Variants in ABCA6 observed in about 807,000 individuals in gnomAD.
ABCA6 encodes the protein ATP-binding cassette sub-family A member 6.
Under a neutral mutation model 191.2 loss-of-function variants are expected in ABCA6, and 164 were observed. The observed-to-expected ratio is 0.86, with a 90% confidence interval of 0.76 to 0.98. The LOEUF (loss-of-function observed/expected upper bound fraction) is 0.98. ABCA6 is among the 50% of genes least tolerant of loss of function. ABCA6 has a pLI of 0.00. For synonymous variants in ABCA6, 636 were observed against 647.7 expected (o/e 0.98, Z 0.27); for missense variants, 1,958 against 1,894.1 (o/e 1.03, Z -0.63).
chr17:69,079,686 T>C (rs1477173882), intron 37 of ABCA6, among the ~76,000 whole-genome samples: 5 of 152,176 alleles, frequency 3.3e-5, no homozygotes, highest in Non-Finnish European at 5.9e-5. Flanking sequence ...TGCATGACAG[T>C]TGTCACCAGA....
chr17:69,129,320 CA>C (rs2073817206), intron 7 of ABCA6, among the ~76,000 whole-genome samples: 1 of 152,132 alleles, frequency 6.6e-6, no homozygotes, highest in Non-Finnish European at 1.5e-5. Context: ...AAAATAACCT[CA>C]ATAATTATAC....
chr17:69,106,077 G>T lies in ABCA6; in HGVS notation c.2524C>A (p.Arg842=). Reference sequence around the variant, plus strand: ...CGTTTTAACTTTAAGAAACGGAGCCGTGCCATGGCAAAGACTTGCATTCTC... The same window carrying T: ...CGTTTTAACTTTAAGAAACGGAGCCTTGCCATGGCAAAGACTTGCATTCTC... ...LWRMQVFAMA[R]LRFLKLKRQT... Residue 842 remains arginine (R), a synonymous_variant, in exon 19 of 39, where the codon CGG becomes AGG. Coordinates refer to ENST00000284425, the MANE Select transcript of ABCA6 (RefSeq NM_080284.3). The T allele has an allele frequency of 1.9e-6, 3 of 1,613,350 alleles. No individual in the cohort carries two copies. The highest frequency in any genetic ancestry group is 1.7e-6 in the Non-Finnish European group (2 of 1,179,654).
In ABCA6 at chr17:69,101,027, C is replaced by A. The variant is rs987405986; in HGVS notation, c.2875-93G>T. Reference sequence around the variant, plus strand: ...TAAAAGATCCTAACAGTGCCACATGCTTGTTGTGTGTCCATCTTCAAGTGA... The same window carrying A: ...TAAAAGATCCTAACAGTGCCACATGATTGTTGTGTGTCCATCTTCAAGTGA... On this transcript the variant is annotated intron_variant, in intron 21 of 38. Coordinates refer to ENST00000284425, the MANE Select transcript of ABCA6 (RefSeq NM_080284.3). The A allele has an allele frequency of 1.5e-5, 16 of 1,067,530 alleles. No individual in the cohort carries two copies. The Admixed American group carries it at 3.9e-4, about 26-fold the overall frequency. 66.1% of individuals were successfully genotyped at this position (1,067,530 alleles called of 1,614,324 possible). A position where few individuals can be genotyped will look rare whatever the true frequency, so the allele number is the denominator to read the frequency against.
intron 25 of ABCA6, among the ~76,000 whole-genome samples, chr17:69,093,180 G>A (rs2144628654): frequency 6.6e-6 from 1 of 152,136 alleles, no homozygotes; most frequent in Middle Eastern, 3.4e-3. Context: ...TTCCTCTATT[G>A]AAGTAGGAAA....
chr17:69,134,614 T>C, intron 5 of ABCA6, 25 bp downstream of exon 5: 1 of 1,542,246 alleles, frequency 6.5e-7, no homozygotes, highest in Non-Finnish European at 8.9e-7. Context: ...CATTAATTAG[T>C]AGAACTTTTC....
At position 69,116,974 on chromosome 17, in the gene ABCA6, G is replaced by A. The variant is rs1001582776; in HGVS notation, c.1495+924C>T. Among the ~76,000 whole-genome samples the A allele has an allele frequency of 2.0e-5, 3 of 152,022 alleles. No homozygotes were observed. The East Asian group carries it at 5.8e-4, about 29-fold the overall frequency. Reference sequence around the variant, plus strand: ...AGTTCATGACTTGATGAGTACAAAGGTAGTTCAAAATGTGCTCCAAAACTT... The same window carrying A: ...AGTTCATGACTTGATGAGTACAAAGATAGTTCAAAATGTGCTCCAAAACTT... On this transcript the variant is annotated intron_variant, in intron 11 of 38. Transcript: ENST00000284425.
chr17:69,127,611 T>C (rs979486354), intron 8 of ABCA6, among the ~76,000 whole-genome samples: 10 of 152,202 alleles, frequency 6.6e-5, no homozygotes, highest in African/African-American at 1.9e-4. Context: ...ATTTGAAAGA[T>C]TGACAATACT....
intron 4 of ABCA6, chr17:69,135,784 G>A: frequency 2.3e-6 from 1 of 442,280 alleles, no homozygotes; most frequent in Non-Finnish European, 4.0e-6. Flanking sequence ...GTCATTAATT[G>A]TTCAATGTCT....
intron 17 of ABCA6, chr17:69,108,479 T>G (rs2073351776): frequency 6.6e-6 from 1 of 152,214 alleles, no homozygotes; most frequent in Admixed American, 6.5e-5. Flanking sequence ...TTGTGTATTT[T>G]GTGTGTCTAC....
At position 69,082,932 on chromosome 17, in the gene ABCA6, T is replaced by G; in HGVS notation, c.4557A>C (p.Gln1519His). 3 of 1,614,232 alleles carry G rather than the reference T, an allele frequency of 1.9e-6. No individual in the cohort carries two copies. The highest frequency in any genetic ancestry group is 2.5e-6 in the Non-Finnish European group (3 of 1,180,022). ...ILELKVKETS[Q>H]VTLVHTEILK... ...GAATCTCAGTGTGGACCAAAGTCAC[T>G]TGAGACGTTTCCTTCACTTTTAGCT... is the stretch of plus-strand genomic sequence containing the variant. Residue 1519 changes from glutamine (Q) to histidine (H), a missense_variant, in exon 36 of 39, where the codon CAA (glutamine) becomes CAC (histidine). Gln to His is a conservative substitution (Grantham distance 24). Transcript: ENST00000284425.
At chr17:69,101,829 G>A (rs2144649029) in intron 21 of ABCA6, among the ~76,000 whole-genome samples, 1 of 152,298 alleles carries the variant, frequency 6.6e-6, no homozygotes, top group South Asian at 2.1e-4. Context: ...TGTGAGGTAT[G>A]TAACGTAGTA....
intron 8 of ABCA6, among the ~76,000 whole-genome samples, chr17:69,126,475 C>T (rs1307015431): frequency 6.6e-6 from 1 of 151,766 alleles, no homozygotes; most frequent in African/African-American, 2.4e-5. Context: ...CATGGTGAGA[C>T]CAACTCTCTA....
chr17:69,084,938 T>C, intron 32 of ABCA6, 90 bp downstream of exon 32: 1 of 1,456,090 alleles, frequency 6.9e-7, no homozygotes, highest in Non-Finnish European at 9.1e-7. Context: ...AGATAGCATA[T>C]TGACTCTCGG....
At chr17:69,110,331 G>A (rs1436906840) in intron 17 of ABCA6, 5 of 155,526 alleles carry the variant, frequency 3.2e-5, no homozygotes, top group African/African-American at 4.8e-5. Flanking sequence ...ACCTACCTGA[G>A]GTCCTTTTTC....
chr17:69,112,080 G>T, intron 16 of ABCA6, 103 bp downstream of exon 16: 1 of 833,608 alleles, frequency 1.2e-6, no homozygotes, highest in Non-Finnish European at 2.0e-6. Context: ...AATCCAGTAT[G>T]GTAGAGATGA....
chr17:69,104,298 A>C (rs2073243471), intron 20 of ABCA6: 1 of 152,160 alleles, frequency 6.6e-6, no homozygotes, highest in African/African-American at 2.4e-5. Context: ...AGAGTGACCA[A>C]AGAGGAAAAG....
chr17:69,091,109 C>A, intron 26 of ABCA6, 34 bp downstream of exon 26: 2 of 1,590,278 alleles, frequency 1.3e-6, no homozygotes, highest in Non-Finnish European at 1.7e-6. Context: ...GCTACATATT[C>A]AAAATTAATG....
In ABCA6 at chr17:69,125,033, A is replaced by G. The variant is rs968600199; in HGVS notation, c.1122T>C (p.Ile374=). The change falls in exon 9 of 39, where the codon ATT becomes ATC. Residue 374 remains isoleucine (I), a splice_region_variant and synonymous_variant. Coordinates refer to ENST00000284425, the MANE Select transcript of ABCA6 (RefSeq NM_080284.3). ...CATTCAAGTTATAATCCAGTTTGAT[A>G]ATCTAAGATTCAAAAAATAAAAATA... ...PFAFTTGMIQ[I]IKLDYNLNGV... is the part of the protein sequence containing the mutation. The G allele has an allele frequency of 1.5e-6, 2 of 1,348,854 alleles. No homozygotes were observed. The highest frequency in any genetic ancestry group is 1.5e-5 in the African/African-American group (1 of 66,596). The allele number at this position is 1,348,854 out of a possible 1,614,324, so 83.6% of individuals were successfully genotyped here. A position where few individuals can be genotyped will look rare whatever the true frequency, so the allele number is the denominator to read the frequency against.
intron 10 of ABCA6, among the ~76,000 whole-genome samples, chr17:69,119,893 G>A (rs911008422): frequency 6.6e-6 from 1 of 151,996 alleles, no homozygotes; most frequent in Admixed American, 6.6e-5. Flanking sequence ...AATAAAAGTG[G>A]TAGATTCATA....
Sources: allele counts gnomAD v4.1 joint callset (sites outside exome capture counted in the v4.1 genomes callset), GRCh38; gene constraint gnomAD v4.1.1; transcripts MANE v1.5; gene names NCBI Gene and HGNC (gene_info 2026-07-23, HGNC 2026-07-21).